TARS2: variants seen among roughly 807,000 people sequenced by gnomAD.
The protein encoded by TARS2 is threonine--tRNA ligase, mitochondrial.
Under a neutral mutation model 94.4 loss-of-function variants are expected in TARS2, and 61 were observed. The observed-to-expected ratio is 0.65, with a 90% CI of 0.53 to 0.80. TARS2 has a LOEUF of 0.80. TARS2 is among the 30% of genes least tolerant of loss of function. TARS2 has a pLI of 0.00. For synonymous variants in TARS2, 359 were observed against 353.4 expected (o/e 1.02, Z -0.18); for missense variants, 704 against 902.5 (o/e 0.78, Z 2.82).
Position 150,504,392 on chromosome 1 carries a change from C to T in TARS2, c.1675C>T (p.Leu559Phe). ...GCCACATCAGTGTGGGACAATTCAGCTTGACTTCCAACTGCCCCTGAGATT... is the reference window on the plus strand; with the variant it reads ...GCCACATCAGTGTGGGACAATTCAGTTTGACTTCCAACTGCCCCTGAGATT... ...GRPHQCGTIQLDFQLPLRFDL... is the reference protein window; with the variant it reads ...GRPHQCGTIQFDFQLPLRFDL... Residue 559 changes from leucine to phenylalanine, a missense_variant, in exon 14 of 18, where the codon CTT becomes TTT. Leu to Phe is a conservative substitution (Grantham distance 22). This residue lies in a region of TARS2 where 466 missense variants were observed against 609.5 expected (regional missense o/e 0.76). Coordinates refer to ENST00000369064, the MANE Select transcript of TARS2 (RefSeq NM_025150.5). 6.2e-7 allele frequency: 1 copy of T among 1,614,116 alleles called. No homozygotes were observed. Among genetic ancestry groups the T allele is most frequent in the Non-Finnish European group, 8.5e-7 (1 of 1,180,026 alleles).
chr1:150,492,831 C>A (rs1004951527), intron 7 of TARS2, among the ~76,000 whole-genome samples: 5 of 130,102 alleles, frequency 3.8e-5, no homozygotes, highest in Non-Finnish European at 8.5e-5. Context: ...AAAAAAAATT[C>A]CTGGTTTCAC....
Position 150,497,641 on chromosome 1 carries a change from G to T in TARS2, c.1132G>T (p.Val378Leu). The T allele has an allele frequency of 6.2e-7, 1 of 1,614,120 alleles. No homozygotes were observed. Among genetic ancestry groups the T allele is most frequent in the Non-Finnish European group, 8.5e-7 (1 of 1,180,026 alleles). The stretch of plus-strand genomic sequence containing the variant: ...GCATTATCAGGAAGACATGTTTGCC[G>T]TGCAGCCCCCAGGCTCTGACAGGCC... Reference protein sequence around the residue: ...WEHYQEDMFAVQPPGSDRPPS... With the variant: ...WEHYQEDMFALQPPGSDRPPS... The change falls in exon 10 of 18, where the codon GTG becomes TTG. Residue 378 changes from valine to leucine, a missense_variant. Around this residue, in one of 3 missense-constraint regions of TARS2, gnomAD observed 466 missense variants for 609.5 expected, o/e 0.76. Coordinates refer to ENST00000369064, the MANE Select transcript of TARS2 (RefSeq NM_025150.5).
At chr1:150,495,505 T>C (rs1362470472) in intron 7 of TARS2, among the ~76,000 whole-genome samples, 6 of 149,130 alleles carry the variant, frequency 4.0e-5, no homozygotes, top group African/African-American at 7.4e-5. Context: ...CAAGCAATTC[T>C]CCTGCCTCAG....
intron 4 of TARS2, 98 bp downstream of exon 4, chr1:150,490,823 G>A: frequency 6.4e-7 from 1 of 1,552,140 alleles, no homozygotes; most frequent in Non-Finnish European, 8.8e-7. Context: ...GGAAGCTGGA[G>A]GAGAAGGGTT....
At chr1:150,495,424 T>A (rs1669618934) in intron 7 of TARS2, among the ~76,000 whole-genome samples, 1 of 151,430 alleles carries the variant, frequency 6.6e-6, no homozygotes, top group Admixed American at 6.6e-5. Flanking sequence ...TGAGACAGAG[T>A]CTTGCTCTGT....
chr1:150,489,429 G>T, intron 3 of TARS2: 1 of 334,516 alleles, frequency 3.0e-6, no homozygotes, highest in Admixed American at 4.4e-5. Context: ...TTATACAGCT[G>T]AGCAAACAAC....
In TARS2 at chr1:150,487,433, G is replaced by T; in HGVS notation, c.-18G>T. ...GGCGATAATCTGTTTGAGGATGTAGGCACTGGTGTGAAGGAACATGGCCCT... is the reference window on the plus strand; with the variant it reads ...GGCGATAATCTGTTTGAGGATGTAGTCACTGGTGTGAAGGAACATGGCCCT... On this transcript the variant is annotated 5_prime_UTR_variant, in exon 1 of 18. Transcript: ENST00000369064. The T allele has an allele frequency of 2.5e-6, 4 of 1,614,198 alleles. No individual in the cohort carries two copies. The South Asian group carries it at 4.4e-5, about 18-fold the overall frequency.
intron 2 of TARS2, 47 bp downstream of exon 2, chr1:150,488,101 T>A: frequency 6.3e-7 from 1 of 1,586,906 alleles, no homozygotes; most frequent in Non-Finnish European, 8.6e-7. Context: ...TCTGCCCCTT[T>A]ACTTTCTCTT....
chr1:150,495,524 G>A (rs1297977807), intron 7 of TARS2, among the ~76,000 whole-genome samples: 2 of 150,530 alleles, frequency 1.3e-5, no homozygotes, highest in Admixed American at 6.6e-5. Context: ...AGCCTCCTGA[G>A]TAGCTGGGTT....
rs752671187 is a variant in TARS2 at position 150,498,598 on chromosome 1, G to A, written c.1335G>A (p.Leu445=). The A allele has an allele frequency of 1.9e-6, 3 of 1,611,978 alleles. No individual in the cohort carries two copies. The African/African-American group carries it at 4.0e-5, about 22-fold the overall frequency. Residue 445 remains leucine, a synonymous_variant, in exon 11 of 18, where the codon CTG becomes CTA. Transcript: ENST00000369064. The stretch of plus-strand genomic sequence containing the variant: ...ACCGGGCCGAAGCCTCTGGTGGTCT[G>A]GGGGGACTGACCCGACTGCGGTGCT... ...ALHRAEASGG[L]GGLTRLRCFQ...
chr1:150,499,299 C>T lies in TARS2; in HGVS notation c.1617+6C>T. 6.2e-7 allele frequency: 1 copy of T among 1,613,798 alleles called. No individual in the cohort carries two copies. The highest frequency in any genetic ancestry group is 8.5e-7 in the Non-Finnish European group (1 of 1,179,850). On this transcript the variant is annotated splice_donor_region_variant and intron_variant, in intron 13 of 17. Transcript: ENST00000369064. ...GTGCCTTCTATGGACCTAAGGTAAG[C>T]TTGGGACCCTGGTTAGTGTTGTATT...
At position 150,504,890 on chromosome 1, in the gene TARS2, G is replaced by A. The variant is rs587719675; in HGVS notation, c.1821-16G>A. On this transcript the variant is annotated splice_polypyrimidine_tract_variant and intron_variant, in intron 15 of 17. Transcript: ENST00000369064. ...CAGAGTGACTAATTTGCCATCACCTGTTCTTTCCCTACCAGGCCACTGTGG... is the reference window on the plus strand; with the variant it reads ...CAGAGTGACTAATTTGCCATCACCTATTCTTTCCCTACCAGGCCACTGTGG... 6.2e-7 allele frequency: 1 copy of A among 1,614,188 alleles called. No individual in the cohort carries two copies. The highest frequency in any genetic ancestry group is 8.5e-7 in the Non-Finnish European group (1 of 1,180,016).
In TARS2 at chr1:150,503,585, A is replaced by ATATATG. The variant is rs1461714331; in HGVS notation, c.1618-749_1618-748insATATGT. On this transcript the variant is annotated intron_variant, in intron 13 of 17. Coordinates refer to ENST00000369064, the MANE Select transcript of TARS2 (RefSeq NM_025150.5). ...TGTGTGTGTGTGTGTGTGTATATATATGTGTGTGTGTGTGTGTATGTGTGT... is the reference window on the plus strand; with the variant it reads ...TGTGTGTGTGTGTGTGTGTATATATATATATGTGTGTGTGTGTGTGTGTATGTGTGT... 1.4e-3 allele frequency among the ~76,000 whole-genome samples: 187 copies of ATATATG among 137,156 alleles called. 3 individuals carry two copies. Among genetic ancestry groups the ATATATG allele is most frequent in the South Asian group, 6.6e-3 (29 of 4,396 alleles). 90.0% of individuals were successfully genotyped at this position (137,156 alleles called of 152,430 possible). A position where few individuals can be genotyped will look rare whatever the true frequency, so the allele number is the denominator to read the frequency against.
chr1:150,502,377 C>A (rs1669965707), intron 13 of TARS2, among the ~76,000 whole-genome samples: 1 of 146,864 alleles, frequency 6.8e-6, no homozygotes, highest in African/African-American at 2.5e-5. Flanking sequence ...CACCACCACG[C>A]CCAGCTAATT....
At chr1:150,496,963 A>C (rs1029170156) in intron 9 of TARS2, 55 bp downstream of exon 9, 3 of 1,550,806 alleles carry the variant, frequency 1.9e-6, no homozygotes, top group Non-Finnish European at 2.7e-6. Context: ...GAGGGACTAG[A>C]AGAAGCTAAG....
chr1:150,489,296 A>C, intron 3 of TARS2: 1 of 640,726 alleles, frequency 1.6e-6, no homozygotes, highest in Non-Finnish European at 2.7e-6. Context: ...CATTTGTGCT[A>C]GTGAGAGGGA....
chr1:150,497,738 C>T lies in TARS2; in HGVS notation c.1229C>T (p.Pro410Leu), dbSNP rs376287422. Residue 410 changes from proline to leucine, a missense_variant, in exon 10 of 18, where the codon CCT (proline) becomes CTT (leucine). Around this residue, in one of 3 missense-constraint regions of TARS2, gnomAD observed 466 missense variants for 609.5 expected, o/e 0.76. Coordinates refer to ENST00000369064, the MANE Select transcript of TARS2 (RefSeq NM_025150.5). ...CTCGCCCTCAAGCCTATGAACTGCCCTGCACACTGGTAAGCTGGGAGCTAG... is the reference window on the plus strand; with the variant it reads ...CTCGCCCTCAAGCCTATGAACTGCCTTGCACACTGGTAAGCTGGGAGCTAG... ...DTLALKPMNC[P>L]AHCLMFAHRP... 1 of 1,613,898 alleles carries T rather than the reference C, an allele frequency of 6.2e-7. No individual in the cohort carries two copies. The highest frequency in any genetic ancestry group is 8.5e-7 in the Non-Finnish European group (1 of 1,179,956).
chr1:150,491,961 G>GTTTTTTTTTT (rs367685337), intron 6 of TARS2: 4 of 128,750 alleles, frequency 3.1e-5, no homozygotes, highest in Non-Finnish European at 4.2e-5. Flanking sequence ...TGCCTGGCTA[G>GTTTTTTTTTT]TTTTTTTTTT....
chr1:150,498,759 G>A, intron 11 of TARS2, 95 bp downstream of exon 11: 1 of 1,606,660 alleles, frequency 6.2e-7, no homozygotes, highest in Non-Finnish European at 8.5e-7. Context: ...CCCCCTGTAT[G>A]TACTATAATT....
Sources: gnomAD v4.1 joint callset for allele counts (sites outside exome capture counted in the v4.1 genomes callset) on GRCh38, gnomAD v4.1.1 for gene constraint, gnomAD v4.1.1 regional missense constraint, MANE v1.5 for transcripts, NCBI Gene and HGNC (gene_info 2026-07-23, HGNC 2026-07-21) for gene names.